Variants in ZEB1 observed in about 807,000 individuals in gnomAD.
ZEB1 encodes the protein zinc finger E-box binding homeobox 1, also known as zinc finger E-box-binding homeobox 1.
Under a neutral mutation model 84.9 loss-of-function variants are expected in ZEB1, and 21 were observed. That is an observed-to-expected ratio of 0.25 (90% confidence interval 0.18 to 0.36). The LOEUF is 0.36. ZEB1 is among the 10% of genes least tolerant of loss of function. ZEB1 has a pLI of 1.00. For synonymous variants in ZEB1, 420 were observed against 471.1 expected (o/e 0.89, Z 1.41); for missense variants, 1,104 against 1,330.2 (o/e 0.83, Z 2.65).
At chr10:31,366,144 T>C (rs1163282577) in intron 1 of ZEB1, among the ~76,000 whole-genome samples, 1 of 152,150 alleles carries the variant, frequency 6.6e-6, no homozygotes, top group Non-Finnish European at 1.5e-5. Flanking sequence ...TTTCCCCCAA[T>C]CTAAAATCTC....
intron 2 of ZEB1, among the ~76,000 whole-genome samples, chr10:31,495,307 A>G (rs1296780277): frequency 5.9e-5 from 9 of 152,100 alleles, no homozygotes; most frequent in South Asian, 2.1e-4. Flanking sequence ...TCTACCGTCT[A>G]TAGGTAGAGC....
intron 1 of ZEB1, among the ~76,000 whole-genome samples, chr10:31,399,807 CCAGA>C (rs1252543211): frequency 6.6e-6 from 1 of 152,170 alleles, no homozygotes; most frequent in Non-Finnish European, 1.5e-5. Context: ...GCTGTCATTC[CCAGA>C]CAGCCACTGC....
At chr10:31,390,574 T>A (rs879433360) in intron 1 of ZEB1, among the ~76,000 whole-genome samples, 10 of 152,186 alleles carry the variant, frequency 6.6e-5, no homozygotes, top group Non-Finnish European at 1.2e-4. Context: ...TGCTATCATT[T>A]CTCTTGAAAA....
chr10:31,482,173 C>T (rs1178342568), intron 2 of ZEB1, among the ~76,000 whole-genome samples: 1 of 151,898 alleles, frequency 6.6e-6, no homozygotes, highest in Admixed American at 6.6e-5. Context: ...AGTGACATAC[C>T]ATGTGCCACT....
At chr10:31,500,209 A>G (rs1258167132) in intron 3 of ZEB1, among the ~76,000 whole-genome samples, 2 of 152,126 alleles carry the variant, frequency 1.3e-5, no homozygotes, top group African/African-American at 2.4e-5. Flanking sequence ...TTTTACTTTT[A>G]TCTAGTTTAA....
intron 1 of ZEB1, among the ~76,000 whole-genome samples, chr10:31,339,814 C>T (rs1251737838): frequency 6.6e-6 from 1 of 151,576 alleles, no homozygotes; most frequent in East Asian, 1.9e-4. Flanking sequence ...CAGTTTATAG[C>T]TGTGACCATC....
upstream of ZEB1, chr10:31,319,135 TGCGGTGGGGAGGGGGGAGGGGTGGAG>T: frequency 4.6e-6 from 2 of 438,780 alleles, no homozygotes; most frequent in Non-Finnish European, 7.6e-6. Flanking sequence ...GTAAACCAGG[TGCGGTGGGGAGGGGGGAGGGGTGGAG>T]GCGGAGGGGT....
intron 1 of ZEB1, among the ~76,000 whole-genome samples, chr10:31,367,652 G>A (rs1311304480): frequency 1.3e-5 from 2 of 152,122 alleles, no homozygotes; most frequent in South Asian, 2.1e-4. Flanking sequence ...AAAAGGATGA[G>A]GCATATTTTT....
chr10:31,363,058 G>A lies in ZEB1; in HGVS notation c.58+43766G>A, dbSNP rs776944122. The A allele has an allele frequency of 6.1e-5, 94 of 1,533,894 alleles. No individual in the cohort carries two copies. In the Admixed American group the frequency reaches 7.8e-4, roughly 13 times the overall value. ...GGGAGGGGTCGGTTGCAGCTGCAGCGGTGGCCCCGACAGTTTTCTTTTGTG... is the reference window on the plus strand; with the variant it reads ...GGGAGGGGTCGGTTGCAGCTGCAGCAGTGGCCCCGACAGTTTTCTTTTGTG... On this transcript the variant is annotated intron_variant, in intron 1 of 8. Coordinates refer to ENST00000424869, the MANE Select transcript of ZEB1 (RefSeq NM_001174096.2).
chr10:31,425,020 CTCTTT>C (rs1434407847), intron 1 of ZEB1, among the ~76,000 whole-genome samples: 1 of 151,836 alleles, frequency 6.6e-6, no homozygotes, highest in African/African-American at 2.4e-5. Flanking sequence ...GGGAAAAAAA[CTCTTT>C]TCTTACAGAA....
At chr10:31,363,987 C>T (rs374986949) in intron 1 of ZEB1, among the ~76,000 whole-genome samples, 42 of 152,306 alleles carry the variant, frequency 2.8e-4, no homozygotes, top group African/African-American at 1.0e-3. Flanking sequence ...GAGCAGGTTG[C>T]CGATGGCATG....
At chr10:31,436,192 T>C (rs1251371470) in intron 1 of ZEB1, among the ~76,000 whole-genome samples, 1 of 152,198 alleles carries the variant, frequency 6.6e-6, no homozygotes, top group African/African-American at 2.4e-5. Flanking sequence ...ATCTGAAATT[T>C]CGAATCAAGA....
chr10:31,373,743 G>A (rs12773131), intron 1 of ZEB1, among the ~76,000 whole-genome samples: 8 of 151,618 alleles, frequency 5.3e-5, no homozygotes, highest in Admixed American at 2.0e-4. Context: ...TGTAAGATAA[G>A]ACGTTTATAC....
intron 1 of ZEB1, among the ~76,000 whole-genome samples, chr10:31,374,560 A>C (rs2046266790): frequency 6.6e-6 from 1 of 151,818 alleles, no homozygotes; most frequent in Admixed American, 6.6e-5. Flanking sequence ...TGTAGATAAT[A>C]ATTACACACT....
intron 3 of ZEB1, among the ~76,000 whole-genome samples, chr10:31,498,059 G>T (rs1050137183): frequency 1.3e-5 from 2 of 151,716 alleles, no homozygotes; most frequent in Non-Finnish European, 2.9e-5. Flanking sequence ...TGTCAATTTT[G>T]AGTTTTATCA....
chr10:31,358,294 T>A (rs2042432212), intron 1 of ZEB1: 1 of 152,126 alleles, frequency 6.6e-6, no homozygotes, highest in South Asian at 2.1e-4. Context: ...TGTATTACGT[T>A]TTTTACTTAT....
chr10:31,344,745 T>G (rs1223586898), intron 1 of ZEB1, among the ~76,000 whole-genome samples: 1 of 152,096 alleles, frequency 6.6e-6, no homozygotes, highest in African/African-American at 2.4e-5. Context: ...CCTTTTAGAC[T>G]CCGATTGTGG....
intron 1 of ZEB1, among the ~76,000 whole-genome samples, chr10:31,334,408 A>G (rs2037546257): frequency 6.6e-6 from 1 of 152,128 alleles, no homozygotes; most frequent in Non-Finnish European, 1.5e-5. Context: ...GATCAAAGAA[A>G]AACTTGTAAT....
intron 5 of ZEB1, among the ~76,000 whole-genome samples, chr10:31,513,760 A>T (rs2070546883): frequency 6.6e-6 from 1 of 152,172 alleles, no homozygotes; most frequent in South Asian, 2.1e-4. Flanking sequence ...AAGAGGAGCA[A>T]TATGTGTGCA....
Sources: gnomAD v4.1 joint callset for allele counts (sites outside exome capture counted in the v4.1 genomes callset) on GRCh38, gnomAD v4.1.1 for gene constraint, MANE v1.5 for transcripts, NCBI Gene and HGNC (gene_info 2026-07-23, HGNC 2026-07-21) for gene names.